The following NFATC2 variants were observed in gnomAD, a reference collection of about 807,000 sequenced individuals.
NFATC2 encodes the protein nuclear factor of activated T-cells, cytoplasmic 2.
In NFATC2, 22 loss-of-function variants were observed where a neutral mutation model predicts 87.3. The observed-to-expected ratio is 0.25, with a 90% CI of 0.18 to 0.36. The LOEUF is 0.36. Among genes scored for constraint, NFATC2 ranks in the 10% least tolerant of loss-of-function variants. The pLI is 1.00. For missense variants in NFATC2, 1,149 were observed against 1,259.1 expected (o/e 0.91, Z 1.32); for synonymous variants, 565 against 542.2 (o/e 1.04, Z -0.58).
chr20:51,432,568 G>A lies in NFATC2; in HGVS notation c.2221C>T (p.Arg741Cys), dbSNP rs78964722. The stretch of plus-strand genomic sequence containing the variant: ...GCCGCTGGGTTCTGTTGCTGGTAGC[G>A]GGCGTCAGGGGATGAGAGCCCCGTG... Reference protein sequence around the residue: ...FRTGLSSPDARYQQQNPAAVL... With the variant: ...FRTGLSSPDACYQQQNPAAVL... The change falls in exon 9 of 11, where the codon CGC becomes TGC. Residue 741 changes from arginine to cysteine, a missense_variant. Arg to Cys is a radical substitution (Grantham distance 180). Around this residue, in one of 3 missense-constraint regions of NFATC2, gnomAD observed 581 missense variants for 649.7 expected, o/e 0.89. Coordinates refer to ENST00000371564, the MANE Select transcript of NFATC2 (RefSeq NM_012340.5). The surrounding 1 kb of genome is among the most constrained non-coding windows in gnomAD (Gnocchi z 4.6). The A allele has an allele frequency of 7.2e-5, 111 of 1,535,182 alleles. No homozygotes were observed. Among genetic ancestry groups the A allele is most frequent in the East Asian group, 6.1e-4 (27 of 44,136 alleles).
intron 3 of NFATC2, among the ~76,000 whole-genome samples, chr20:51,492,914 C>G (rs2075921027): frequency 6.6e-6 from 1 of 152,246 alleles, no homozygotes; most frequent in South Asian, 2.1e-4. Flanking sequence ...AGCGACGTAT[C>G]CACGGGCTCA....
At chr20:51,417,582 G>A (rs1193107507) in intron 9 of NFATC2, among the ~76,000 whole-genome samples, 3 of 152,048 alleles carry the variant, frequency 2.0e-5, no homozygotes, top group Admixed American at 6.6e-5. Context: ...AGTTATGCCC[G>A]TCCCCATCGT....
intron 10 of NFATC2, among the ~76,000 whole-genome samples, chr20:51,394,905 C>A (rs1202152161): frequency 6.6e-6 from 1 of 152,228 alleles, no homozygotes; most frequent in African/African-American, 2.4e-5. Context: ...CCATGGTGCC[C>A]TCACTCGCTC....
chr20:51,443,028 A>T (rs1161170716), intron 6 of NFATC2, among the ~76,000 whole-genome samples: 2 of 151,970 alleles, frequency 1.3e-5, no homozygotes, highest in African/African-American at 4.8e-5. Flanking sequence ...CATTAGACAC[A>T]CTGGCCTTCT....
intron 3 of NFATC2, among the ~76,000 whole-genome samples, chr20:51,507,369 C>T (rs1161086295): frequency 1.3e-5 from 2 of 152,126 alleles, no homozygotes; most frequent in Non-Finnish European, 2.9e-5. Context: ...GAGCCCCCTC[C>T]GTATCATAGC....
chr20:51,417,946 G>A (rs938499529), intron 9 of NFATC2, among the ~76,000 whole-genome samples: 4 of 152,214 alleles, frequency 2.6e-5, no homozygotes, highest in Admixed American at 6.5e-5. Flanking sequence ...CCTGGTACCC[G>A]CGGGGCACCG....
intron 5 of NFATC2, among the ~76,000 whole-genome samples, chr20:51,467,859 G>A (rs1987839862): frequency 6.6e-6 from 1 of 152,186 alleles, no homozygotes; most frequent in African/African-American, 2.4e-5. Context: ...AGAAGGACTT[G>A]AGTAGGAATG....
intron 9 of NFATC2, among the ~76,000 whole-genome samples, chr20:51,411,185 C>T (rs1016270639): frequency 6.6e-6 from 1 of 152,156 alleles, no homozygotes; most frequent in African/African-American, 2.4e-5. Context: ...CAAAGGGCCT[C>T]GATCAGAGTT....
intron 8 of NFATC2, among the ~76,000 whole-genome samples, chr20:51,433,257 T>C (rs544933579): frequency 3.3e-5 from 5 of 152,190 alleles, no homozygotes; most frequent in Non-Finnish European, 7.4e-5. Context: ...TTGATCCTCA[T>C]GACCCAAAAC....
intron 9 of NFATC2, among the ~76,000 whole-genome samples, chr20:51,412,851 A>C (rs537580290): frequency 6.6e-6 from 1 of 152,204 alleles, no homozygotes; most frequent in East Asian, 1.9e-4. Context: ...CTGCAAAAGG[A>C]GTACTTCTGT....
At chr20:51,400,825 C>T (rs776884884) in intron 9 of NFATC2, among the ~76,000 whole-genome samples, 56 of 152,128 alleles carry the variant, frequency 3.7e-4, no homozygotes, top group Non-Finnish European at 6.6e-4. Flanking sequence ...AAAGATGGGG[C>T]GACTTGTCCA....
At chr20:51,434,707 G>A (rs1983295625) in intron 8 of NFATC2, among the ~76,000 whole-genome samples, 1 of 152,096 alleles carries the variant, frequency 6.6e-6, no homozygotes, top group Admixed American at 6.5e-5. Context: ...CACCTTTCTT[G>A]GGGCTGTACT....
At chr20:51,400,240 G>T (rs1265128019) in intron 9 of NFATC2, among the ~76,000 whole-genome samples, 1 of 152,182 alleles carries the variant, frequency 6.6e-6, no homozygotes, top group African/African-American at 2.4e-5. Flanking sequence ...CAGCTCTAAA[G>T]TTCTGTAATG....
At chr20:51,446,168 G>A (rs1163336286) in intron 6 of NFATC2, among the ~76,000 whole-genome samples, 14 of 152,222 alleles carry the variant, frequency 9.2e-5, no homozygotes, top group Admixed American at 9.2e-4. Context: ...GCCAGGCTAT[G>A]ACTCCAGGAG....
chr20:51,491,399 G>T (rs975619634), intron 3 of NFATC2, among the ~76,000 whole-genome samples: 14 of 152,160 alleles, frequency 9.2e-5, no homozygotes, highest in African/African-American at 3.4e-4. Flanking sequence ...CTTGCTCTGG[G>T]TTTGCATGCG....
At chr20:51,421,203 C>T (rs1410285028) in intron 9 of NFATC2, among the ~76,000 whole-genome samples, 1 of 152,040 alleles carries the variant, frequency 6.6e-6, no homozygotes, top group Non-Finnish European at 1.5e-5. Flanking sequence ...GCTGAAGCCT[C>T]GTGGTGGGTA....
intron 3 of NFATC2, among the ~76,000 whole-genome samples, chr20:51,509,276 T>C (rs2076234793): frequency 2.1e-5 from 1 of 46,910 alleles, no homozygotes; most frequent in Non-Finnish European, 4.2e-5. Flanking sequence ...TTTAACATAC[T>C]ATTTAAAATT....
intron 9 of NFATC2, among the ~76,000 whole-genome samples, chr20:51,431,400 C>A (rs1982681437): frequency 6.6e-6 from 1 of 152,148 alleles, no homozygotes; most frequent in South Asian, 2.1e-4. Flanking sequence ...ACCCCTTGCC[C>A]ACAAACGGGC....
At position 51,475,215 on chromosome 20, in the gene NFATC2, C is replaced by A. The variant is rs573496348; in HGVS notation, c.1535+243G>T. Among the ~76,000 whole-genome samples the A allele has an allele frequency of 2.0e-5, 3 of 152,186 alleles. No individual in the cohort carries two copies. The South Asian group carries it at 6.2e-4, about 32-fold the overall frequency. ...AATTCCTGATCTCAAGTGATCCACC[C>A]GCCTCAGCCTTCCAAAGCGCTAGGA... On this transcript the variant is annotated intron_variant, in intron 4 of 10. Transcript: ENST00000371564.
Sources: gnomAD v4.1 joint callset for allele counts (sites outside exome capture counted in the v4.1 genomes callset) on GRCh38, gnomAD v4.1.1 for gene constraint, gnomAD v4.1.1 regional missense constraint, Gnocchi (gnomAD v3.1) non-coding constraint, MANE v1.5 for transcripts, NCBI Gene and HGNC (gene_info 2026-07-23, HGNC 2026-07-21) for gene names.